The following TENM1 variants were observed in gnomAD, a reference collection of about 807,000 sequenced individuals.
TENM1 encodes teneurin transmembrane protein 1.
Under a neutral mutation model 174.8 loss-of-function variants are expected in TENM1, and 35 were observed. That is an observed-to-expected ratio of 0.20 (90% CI 0.15 to 0.27). The LOEUF (loss-of-function observed/expected upper bound fraction) is 0.27, where lower values mean the gene tolerates loss of function less well. TENM1 is among the 10% of genes least tolerant of loss of function. The pLI is 1.00. For synonymous variants in TENM1, 781 were observed against 798.7 expected, an observed-to-expected ratio of 0.98 and a Z score of 0.37; for missense variants, 1,633 against 2,130.1, an observed-to-expected ratio of 0.77 and a Z score of 4.59.
chrX:125,091,848 G>A, the TENM1 span, among the ~76,000 whole-genome samples: 1 of 108,327 alleles, frequency 9.2e-6, no homozygotes, highest in South Asian at 4.2e-4. Context: ...AGCCAGGCGT[G>A]GTGGTGCATG....
the TENM1 span, among the ~76,000 whole-genome samples, chrX:125,145,270 T>C: frequency 4.5e-5 from 5 of 111,979 alleles, no homozygotes; most frequent in South Asian, 1.5e-3. Context: ...TTGTATTAGA[T>C]TGTGGAAGAT....
chrX:125,126,686 C>T, the TENM1 span, among the ~76,000 whole-genome samples: 1 of 110,576 alleles, frequency 9.0e-6, no homozygotes, highest in Non-Finnish European at 1.9e-5. Context: ...AATGGCATGT[C>T]CCTAGCCACA....
the TENM1 span, among the ~76,000 whole-genome samples, chrX:125,153,038 G>A: frequency 5.9e-3 from 663 of 111,674 alleles, 5 homozygotes; most frequent in African/African-American, 0.02. Flanking sequence ...TAAAAACTTT[G>A]TTTCCCCCAA....
chrX:124,968,584 T>C (rs1228951313), upstream of TENM1, among the ~76,000 whole-genome samples: 1 of 112,150 alleles, frequency 8.9e-6, no homozygotes, highest in Non-Finnish European at 1.9e-5. Context: ...AGGAATGTCA[T>C]ATCTATTCAA....
intron 3 of TENM1, among the ~76,000 whole-genome samples, chrX:124,737,751 CTCTT>C (rs2053708020): frequency 8.9e-6 from 1 of 112,270 alleles, no homozygotes; most frequent in African/African-American, 3.2e-5. Flanking sequence ...TGAAACTAAT[CTCTT>C]TGTCAGCCCC....
intron 4 of TENM1, among the ~76,000 whole-genome samples, chrX:124,723,053 A>AGT (rs1373047365): frequency 9.0e-6 from 1 of 110,702 alleles, no homozygotes; most frequent in Non-Finnish European, 1.9e-5. Context: ...CCTGATGTCT[A>AGT]GTGTATACCT....
chrX:125,121,093 A>G, the TENM1 span, among the ~76,000 whole-genome samples: 1 of 112,066 alleles, frequency 8.9e-6, no homozygotes, highest in African/African-American at 3.2e-5. Flanking sequence ...ACAAGTGTAC[A>G]GCAAAGAATG....
chrX:124,604,659 A>G (rs1213350932), intron 11 of TENM1, among the ~76,000 whole-genome samples: 1 of 111,297 alleles, frequency 9.0e-6, no homozygotes, highest in Middle Eastern at 4.7e-3. Context: ...TGAGGATGCT[A>G]TCATCCATCC....
chrX:124,464,853 G>T (rs775026618), intron 22 of TENM1, among the ~76,000 whole-genome samples: 1 of 111,856 alleles, frequency 8.9e-6, no homozygotes, highest in Non-Finnish European at 1.9e-5. Context: ...GCACAAGAAC[G>T]CGACATTGAG....
chrX:124,680,127 C>T (rs1436101568), intron 5 of TENM1, among the ~76,000 whole-genome samples: 1 of 111,633 alleles, frequency 9.0e-6, no homozygotes, highest in Non-Finnish European at 1.9e-5. Flanking sequence ...CATGATGAAA[C>T]ATTAAAATTA....
At chrX:124,874,525 CAT>C (rs1249393875) in intron 3 of TENM1, among the ~76,000 whole-genome samples, 2 of 109,960 alleles carry the variant, frequency 1.8e-5, no homozygotes, top group Non-Finnish European at 3.8e-5. Flanking sequence ...TTTTAATATA[CAT>C]ATATATACAT....
At position 124,477,279 on chromosome X, in the gene TENM1, C is replaced by T. The variant is rs180920569; in HGVS notation, c.3949+4453G>A. ...ATTACATTTACAGAGTATGTAAACG[C>T]TATCTATGTAGTGCACTATGGGTAC... On this transcript the variant is annotated intron_variant, in intron 22 of 31. Coordinates refer to ENST00000422452, the Ensembl canonical transcript of TENM1. Among the ~76,000 whole-genome samples, 19 of 112,458 alleles carry T rather than the reference C, an allele frequency of 1.7e-4. No individual in the cohort carries two copies. The East Asian group carries it at 5.1e-3, about 30-fold the overall frequency.
At chrX:124,716,533 G>A (rs1192814501) in intron 4 of TENM1, among the ~76,000 whole-genome samples, 6 of 112,103 alleles carry the variant, frequency 5.4e-5, no homozygotes, top group Admixed American at 9.4e-5. Context: ...GGCATGAGTG[G>A]GGCAGGAGAG....
chrX:125,031,358 A>G, the TENM1 span, among the ~76,000 whole-genome samples: 3 of 111,751 alleles, frequency 2.7e-5, no homozygotes, highest in Non-Finnish European at 5.6e-5. Flanking sequence ...TATATTAATT[A>G]TATTGTTTCT....
chrX:125,180,882 C>T, the TENM1 span, among the ~76,000 whole-genome samples: 1 of 111,705 alleles, frequency 9.0e-6, no homozygotes, highest in Non-Finnish European at 1.9e-5. Flanking sequence ...ATTCTCATCC[C>T]TACCATTTGT....
intron 10 of TENM1, among the ~76,000 whole-genome samples, chrX:124,644,170 C>CAT (rs754020007): frequency 2.8e-4 from 26 of 93,853 alleles, no homozygotes; most frequent in Middle Eastern, 5.7e-3. Flanking sequence ...GCATATATGG[C>CAT]ATATATATAT....
chrX:125,043,154 A>C, the TENM1 span, among the ~76,000 whole-genome samples: 1 of 99,462 alleles, frequency 1.0e-5, no homozygotes, highest in Non-Finnish European at 2.0e-5. Flanking sequence ...AAAAGCCAAA[A>C]TTGACAAATG....
At chrX:124,816,765 T>C (rs1261456710) in intron 3 of TENM1, among the ~76,000 whole-genome samples, 2 of 111,658 alleles carry the variant, frequency 1.8e-5, no homozygotes, top group Non-Finnish European at 3.8e-5. Flanking sequence ...ACAAAGTACC[T>C]TTCTAATTAA....
upstream of TENM1, among the ~76,000 whole-genome samples, chrX:124,968,696 T>C (rs2058756421): frequency 1.8e-5 from 2 of 111,583 alleles, no homozygotes; most frequent in East Asian, 2.8e-4. Context: ...CAACGATAAC[T>C]TTTTGTCCTA....
Sources: allele counts gnomAD v4.1 joint callset (sites outside exome capture counted in the v4.1 genomes callset), GRCh38; gene constraint gnomAD v4.1.1; transcripts MANE v1.5; gene names NCBI Gene and HGNC (gene_info 2026-07-23, HGNC 2026-07-21).